NCAM2: variants seen among roughly 807,000 people sequenced by gnomAD.
NCAM2 encodes neural cell adhesion molecule 2, also known as N-CAM-2.
In NCAM2, 30 loss-of-function variants were observed where a neutral mutation model predicts 98.1. That is an observed-to-expected ratio of 0.31 (90% CI 0.23 to 0.41). The LOEUF is 0.41. Among genes scored for constraint, NCAM2 ranks in the 10% least tolerant of loss-of-function variants. NCAM2 has a pLI of 1.00. For missense variants in NCAM2, 867 were observed against 1,005.8 expected (o/e 0.86, Z 1.87); for synonymous variants, 368 against 342.4 (o/e 1.07, Z -0.83).
At chr21:21,321,553 T>C (rs1003205656) in intron 5 of NCAM2, among the ~76,000 whole-genome samples, 1 of 152,158 alleles carries the variant, frequency 6.6e-6, no homozygotes, top group African/African-American at 2.4e-5. Context: ...GTTTGAGGCG[T>C]TACATTTAAC....
chr21:21,056,132 A>G (rs534360230), intron 1 of NCAM2, among the ~76,000 whole-genome samples: 52 of 152,160 alleles, frequency 3.4e-4, no homozygotes, highest in African/African-American at 1.2e-3. Context: ...TAATTGGAGG[A>G]AAAAAAGCCT....
chr21:21,235,668 C>A (rs1367145442), intron 1 of NCAM2, among the ~76,000 whole-genome samples: 1 of 152,000 alleles, frequency 6.6e-6, no homozygotes, highest in African/African-American at 2.4e-5. Context: ...CTTGACTCAT[C>A]TAACTGAAAT....
intron 12 of NCAM2, among the ~76,000 whole-genome samples, chr21:21,455,210 CAAAAAAA>C (rs5842926): frequency 5.2e-5 from 5 of 95,458 alleles, no homozygotes; most frequent in East Asian, 3.8e-4. Flanking sequence ...AACCTATTGG[CAAAAAAA>C]AAAAAAAAAA....
chr21:21,256,398 C>G (rs543506596), intron 1 of NCAM2, among the ~76,000 whole-genome samples: 1 of 152,240 alleles, frequency 6.6e-6, no homozygotes, highest in East Asian at 1.9e-4. Flanking sequence ...TTTCTAATTA[C>G]TAGCCTAGTA....
intron 1 of NCAM2, among the ~76,000 whole-genome samples, chr21:21,168,527 G>T (rs996243165): frequency 2.6e-5 from 4 of 152,226 alleles, no homozygotes; most frequent in African/African-American, 9.6e-5. Context: ...GATGACAGGG[G>T]TGTTTATTTA....
At chr21:21,078,019 C>A (rs777789072) in intron 1 of NCAM2, among the ~76,000 whole-genome samples, 1 of 152,002 alleles carries the variant, frequency 6.6e-6, no homozygotes, top group Middle Eastern at 3.2e-3. Flanking sequence ...CCAAAATAAT[C>A]TTAGTGATAG....
chr21:21,316,505 C>G (rs1331518249), intron 5 of NCAM2, among the ~76,000 whole-genome samples: 1 of 150,836 alleles, frequency 6.6e-6, no homozygotes, highest in Admixed American at 6.6e-5. Flanking sequence ...TCCAACATCT[C>G]CATCATCTTC....
intron 5 of NCAM2, among the ~76,000 whole-genome samples, chr21:21,305,520 T>C (rs767226922): frequency 2.4e-4 from 37 of 152,090 alleles, no homozygotes; most frequent in Admixed American, 1.3e-4. Flanking sequence ...ATTCTTTTAA[T>C]ATCAAATGTT....
intron 12 of NCAM2, chr21:21,463,829 G>C (rs373597049): frequency 3.3e-5 from 5 of 150,638 alleles, no homozygotes; most frequent in African/African-American, 1.2e-4. Flanking sequence ...GAAATACTCA[G>C]ATAATTCAAG....
At chr21:21,308,179 A>G (rs2073942705) in intron 5 of NCAM2, among the ~76,000 whole-genome samples, 1 of 152,114 alleles carries the variant, frequency 6.6e-6, no homozygotes, top group Admixed American at 6.6e-5. Context: ...AGAAAAAAGT[A>G]TTTTATATTT....
intron 5 of NCAM2, among the ~76,000 whole-genome samples, chr21:21,301,049 T>C (rs74822264): frequency 0.018 from 2,719 of 152,190 alleles, 93 homozygotes; most frequent in East Asian, 0.15. Context: ...AAGTATTTGT[T>C]CGTGTCCTTT....
chr21:21,050,480 C>G (rs549663482), intron 1 of NCAM2, among the ~76,000 whole-genome samples: 1 of 152,154 alleles, frequency 6.6e-6, no homozygotes, highest in Non-Finnish European at 1.5e-5. Flanking sequence ...CTTGTTGACC[C>G]ATTTTTTTTC....
At chr21:21,203,074 A>T (rs9637139) in intron 1 of NCAM2, among the ~76,000 whole-genome samples, 128,748 of 152,124 alleles carry the variant, frequency 0.85, 56,170 homozygotes, top group Non-Finnish European at 0.96. Context: ...GAACTCTATA[A>T]GAATATAGTT....
At chr21:21,011,981 A>G (rs1030456733) in intron 1 of NCAM2, among the ~76,000 whole-genome samples, 1 of 152,080 alleles carries the variant, frequency 6.6e-6, no homozygotes. Flanking sequence ...GACAAAATCT[A>G]ATGTTGGTGA....
intron 1 of NCAM2, among the ~76,000 whole-genome samples, chr21:21,121,059 T>C (rs1474073628): frequency 2.0e-5 from 3 of 152,192 alleles, no homozygotes; most frequent in Non-Finnish European, 4.4e-5. Flanking sequence ...ACTGAGTTTA[T>C]ATTGTTCTTT....
At chr21:21,331,063 C>T (rs540622179) in intron 6 of NCAM2, among the ~76,000 whole-genome samples, 2 of 152,174 alleles carry the variant, frequency 1.3e-5, no homozygotes, top group East Asian at 3.9e-4. Flanking sequence ...GAATATATTT[C>T]TAATAGTTGT....
At chr21:21,199,343 C>G (rs1349602582) in intron 1 of NCAM2, among the ~76,000 whole-genome samples, 2 of 152,142 alleles carry the variant, frequency 1.3e-5, no homozygotes, top group Non-Finnish European at 2.9e-5. Flanking sequence ...AACACACATA[C>G]CCAGTGCTAC....
chr21:21,280,516 C>T (rs1568878105), intron 1 of NCAM2, 62 bp from the exon 2 acceptor site: 3 of 1,122,716 alleles, frequency 2.7e-6, no homozygotes, highest in Non-Finnish European at 2.6e-6. Context: ...AGACATCATG[C>T]ATTAAAATCT....
intron 1 of NCAM2, among the ~76,000 whole-genome samples, chr21:21,161,633 T>C (rs148696091): frequency 2.4e-3 from 358 of 152,010 alleles, no homozygotes; most frequent in African/African-American, 8.5e-3. Context: ...GATATATATG[T>C]GTGTATTTAA....
Sources: allele counts gnomAD v4.1 joint callset (sites outside exome capture counted in the v4.1 genomes callset), GRCh38; gene constraint gnomAD v4.1.1; transcripts MANE v1.5; gene names NCBI Gene and HGNC (gene_info 2026-07-23, HGNC 2026-07-21).